ZBTB41: variants seen among roughly 807,000 people sequenced by gnomAD.
The protein encoded by ZBTB41 is zinc finger and BTB domain-containing protein 41.
ZBTB41 carries 42 observed loss-of-function variants against 87.6 expected under a neutral mutation model. That is an observed-to-expected ratio of 0.48 (90% CI 0.37 to 0.62). The LOEUF (loss-of-function observed/expected upper bound fraction) is 0.62, where lower values mean the gene tolerates loss of function less well. ZBTB41 is among the 20% of genes least tolerant of loss of function. The probability of loss-of-function intolerance (pLI) is 0.00; values close to 1 mark genes in which losing one functional copy is unlikely to be tolerated. For missense variants in ZBTB41, 799 were observed against 1,078.9 expected (o/e 0.74, Z 3.63); for synonymous variants, 364 against 364.0 (o/e 1.00, Z 0.00).
At chr1:197,174,133 T>G (rs2125128819) in intron 9 of ZBTB41, among the ~76,000 whole-genome samples, 1 of 152,204 alleles carries the variant, frequency 6.6e-6, no homozygotes, top group South Asian at 2.1e-4. Flanking sequence ...TAAGACCCTA[T>G]GAAAATATAC....
chr1:197,180,952 A>G, intron 6 of ZBTB41, 36 bp downstream of exon 6: 1 of 1,572,220 alleles, frequency 6.4e-7, no homozygotes, highest in Non-Finnish European at 8.6e-7. Context: ...ACATAATAGT[A>G]CTAGGATTTT....
chr1:197,170,563 C>G (rs1273619004), intron 10 of ZBTB41, among the ~76,000 whole-genome samples: 2 of 152,098 alleles, frequency 1.3e-5, no homozygotes, highest in Non-Finnish European at 2.9e-5. Flanking sequence ...ACTTATAACT[C>G]TCAATGCACA....
At chr1:197,175,308 T>C (rs1659576037) in intron 8 of ZBTB41, among the ~76,000 whole-genome samples, 193 bp from the exon 9 acceptor site, 1 of 151,366 alleles carries the variant, frequency 6.6e-6, no homozygotes. Flanking sequence ...CTTAATTTCA[T>C]GGATGTGAAT....
At chr1:197,189,011 G>T (rs1204034535) in intron 4 of ZBTB41, among the ~76,000 whole-genome samples, 1 of 152,154 alleles carries the variant, frequency 6.6e-6, no homozygotes, top group Admixed American at 6.5e-5. Flanking sequence ...ATAATTCTGT[G>T]AGATAGATGC....
intron 9 of ZBTB41, among the ~76,000 whole-genome samples, chr1:197,174,212 T>G (rs1269577861): frequency 6.6e-6 from 1 of 152,026 alleles, no homozygotes; most frequent in Non-Finnish European, 1.5e-5. Context: ...CAATTTGAAC[T>G]GAAGCAGAGA....
Position 197,159,413 on chromosome 1 carries a change from G to A in ZBTB41, c.2676C>T (p.Gly892=), listed in dbSNP as rs1659145611. 4 of 1,613,704 alleles carry A rather than the reference G, an allele frequency of 2.5e-6. No homozygotes were observed. Among genetic ancestry groups the A allele is most frequent in the Non-Finnish European group, 3.4e-6 (4 of 1,179,760 alleles). Residue 892 remains glycine, a synonymous_variant, in exon 11 of 11, where the codon GGC becomes GGT. Transcript: ENST00000367405. Reference sequence around the variant, plus strand: ...TTTGAACACCAGTAGTGCTATCAAGGCCCAGTAATGTTCCAAGATAAGATT... The same window carrying A: ...TTTGAACACCAGTAGTGCTATCAAGACCCAGTAATGTTCCAAGATAAGATT... ...REQSYLGTLL[G]LDSTTGVQNI... is the part of the protein sequence containing the mutation.
chr1:197,186,690 C>G (rs1281415284), intron 5 of ZBTB41, among the ~76,000 whole-genome samples: 1 of 151,956 alleles, frequency 6.6e-6, no homozygotes, highest in African/African-American at 2.4e-5. Flanking sequence ...GGTGAAACCC[C>G]ATCTCTATTA....
chr1:197,178,423 G>T lies in ZBTB41; in HGVS notation c.1766C>A (p.Ser589Ter), dbSNP rs1282078133. 2 of 1,604,454 alleles carry T rather than the reference G, an allele frequency of 1.2e-6. No individual in the cohort carries two copies. ...AAAAAATGGTTTTACTTACCTATACGAACTTCCATGACGAAAACTTTGCCC... is the reference window on the plus strand; with the variant it reads ...AAAAAATGGTTTTACTTACCTATACTAACTTCCATGACGAAAACTTTGCCC... ...ICGQSFRHGS[S>*]YRLHLRVHHD... is the part of the protein sequence containing the mutation. The change falls in exon 7 of 11, where the codon TCG becomes TAG. Residue 589 changes from serine (S) to a stop codon, truncating the protein, a stop_gained. Coordinates refer to ENST00000367405, the MANE Select transcript of ZBTB41 (RefSeq NM_194314.3). LOFTEE classifies it high-confidence loss of function.
At chr1:197,185,370 A>G (rs1659856310) in intron 5 of ZBTB41, among the ~76,000 whole-genome samples, 1 of 152,150 alleles carries the variant, frequency 6.6e-6, no homozygotes, top group South Asian at 2.1e-4. Flanking sequence ...AAATTTACCA[A>G]AGTATACCAC....
intron 7 of ZBTB41, among the ~76,000 whole-genome samples, chr1:197,177,797 G>A (rs1453715399): frequency 6.6e-6 from 1 of 151,998 alleles, no homozygotes; most frequent in East Asian, 1.9e-4. Flanking sequence ...CAACTGACTA[G>A]ACTACCTCTA....
chr1:197,169,235 TAA>T (rs1659422711), intron 10 of ZBTB41, among the ~76,000 whole-genome samples: 1 of 151,932 alleles, frequency 6.6e-6, no homozygotes, highest in African/African-American at 2.4e-5. Flanking sequence ...TGAATATATA[TAA>T]GAGAAAAGAA....
At chr1:197,163,136 G>A (rs1439426391) in intron 10 of ZBTB41, among the ~76,000 whole-genome samples, 1 of 152,106 alleles carries the variant, frequency 6.6e-6, no homozygotes, top group Non-Finnish European at 1.5e-5. Flanking sequence ...ATGCAATGAT[G>A]AACTAGGAGA....
intron 10 of ZBTB41, among the ~76,000 whole-genome samples, chr1:197,164,626 A>T (rs923658200): frequency 6.1e-5 from 9 of 147,732 alleles, no homozygotes; most frequent in African/African-American, 2.2e-4. Context: ...TTTTATAATG[A>T]TATAAAAGAC....
At chr1:197,163,303 T>C (rs1338089284) in intron 10 of ZBTB41, among the ~76,000 whole-genome samples, 1 of 152,012 alleles carries the variant, frequency 6.6e-6, no homozygotes, top group Non-Finnish European at 1.5e-5. Flanking sequence ...GTGACCCAAA[T>C]GATCAAATGC....
intron 2 of ZBTB41, among the ~76,000 whole-genome samples, chr1:197,196,119 T>C (rs1660156071): frequency 6.6e-6 from 1 of 152,126 alleles, no homozygotes; most frequent in Admixed American, 6.5e-5. Context: ...CAAAGAATAC[T>C]AGCCAAGAGT....
chr1:197,194,219 T>C (rs1240229428), intron 2 of ZBTB41, among the ~76,000 whole-genome samples: 1 of 152,052 alleles, frequency 6.6e-6, no homozygotes, highest in Admixed American at 6.6e-5. Flanking sequence ...GGTTTCATCA[T>C]ATTGGTCAGG....
intron 9 of ZBTB41, among the ~76,000 whole-genome samples, chr1:197,172,620 G>C (rs930608452): frequency 9.2e-5 from 14 of 152,050 alleles, no homozygotes; most frequent in Non-Finnish European, 1.8e-4. Flanking sequence ...GGGAAATGAA[G>C]AGTTGTCTAG....
At chr1:197,188,149 C>T (rs1186510583) in intron 5 of ZBTB41, 143 bp downstream of exon 5, 1 of 824,232 alleles carries the variant, frequency 1.2e-6, no homozygotes, top group Non-Finnish European at 1.9e-6. Flanking sequence ...TCTATTCCTT[C>T]CTCTCAATTT....
chr1:197,191,903 TAAA>T lies in ZBTB41; in HGVS notation c.1121-7_1121-5del. ...CGGGTGTGGCTCTCATATTTTCCTA[TAAA>T]AAAAGAAAAATTAAAATTAAATTTA... On this transcript the variant is annotated splice_region_variant and splice_polypyrimidine_tract_variant and intron_variant, in intron 2 of 10. Transcript: ENST00000367405. The T allele has an allele frequency of 1.3e-6, 2 of 1,566,070 alleles. No homozygotes were observed. The highest frequency in any genetic ancestry group is 8.6e-7 in the Non-Finnish European group (1 of 1,160,026).
Sources: allele counts gnomAD v4.1 joint callset (sites outside exome capture counted in the v4.1 genomes callset), GRCh38; gene constraint gnomAD v4.1.1; transcripts MANE v1.5; gene names NCBI Gene and HGNC (gene_info 2026-07-23, HGNC 2026-07-21).